DCDC1: variants seen among roughly 807,000 people sequenced by gnomAD.
The protein encoded by DCDC1 is doublecortin domain containing 1, also known as doublecortin domain-containing protein 1.
DCDC1 carries 200 observed loss-of-function variants against 178.3 expected under a neutral mutation model. The ratio of observed to expected loss-of-function variants is 1.12; its 90% CI spans 1.00 to 1.26. DCDC1 has a LOEUF of 1.26. Among genes scored for constraint, DCDC1 ranks in the 50% most tolerant of loss-of-function variants. The pLI, the probability that DCDC1 is intolerant of heterozygous loss-of-function variation, is 0.00. For missense variants in DCDC1, 1,983 were observed against 1,749.2 expected (o/e 1.13, Z -2.38); for synonymous variants, 690 against 604.8 (o/e 1.14, Z -2.07).
rs778477198 is a variant in DCDC1 at position 30,894,262 on chromosome 11, T to C, written c.4888A>G (p.Ile1630Val). Residue 1630 changes from isoleucine to valine, a missense_variant, in exon 35 of 39, where the codon ATA becomes GTA. Physicochemically the swap from Ile to Val is conservative, Grantham distance 29 (BLOSUM62 3). Coordinates refer to ENST00000684477, the MANE Select transcript of DCDC1 (RefSeq NM_001387274.1). ...TQQEIKLMEL[I>V]RHTEAHLSEI... ...AAAGAACATACCTCTGTATGTCTTA[T>C]AAGTTCCATGAGTTTAATTTCCTGT... is the stretch of plus-strand genomic sequence containing the variant. The C allele has an allele frequency of 6.2e-7, 1 of 1,613,830 alleles. No individual in the cohort carries two copies. The highest frequency in any genetic ancestry group is 1.7e-5 in the Admixed American group (1 of 59,996).
intron 10 of DCDC1, 112 bp downstream of exon 10, chr11:31,137,580 C>A: frequency 1.7e-6 from 1 of 575,246 alleles, no homozygotes; most frequent in Non-Finnish European, 3.1e-6. Flanking sequence ...AAACTCCTGA[C>A]CTTGTGATCT....
intron 6 of DCDC1, 63 bp from the exon 7 acceptor site, chr11:31,290,915 T>A (rs1354434300): frequency 1.4e-6 from 2 of 1,437,154 alleles, no homozygotes; most frequent in Admixed American, 1.9e-5. Flanking sequence ...GGACACATCA[T>A]ACTTCCCTCC....
intron 9 of DCDC1, among the ~76,000 whole-genome samples, chr11:31,143,093 A>G (rs1463439266): frequency 1.3e-5 from 2 of 152,182 alleles, no homozygotes; most frequent in Non-Finnish European, 2.9e-5. Context: ...TTAAAAAACA[A>G]TAGGAAGTGA....
chr11:31,241,030 C>T (rs1463559050), intron 9 of DCDC1, among the ~76,000 whole-genome samples: 1 of 152,022 alleles, frequency 6.6e-6, no homozygotes, highest in Non-Finnish European at 1.5e-5. Flanking sequence ...AGTTGATTCA[C>T]GATTTCATTT....
At chr11:31,016,367 T>TA (rs1238916126) in intron 20 of DCDC1, among the ~76,000 whole-genome samples, 19 of 152,218 alleles carry the variant, frequency 1.2e-4, no homozygotes, top group Non-Finnish European at 2.8e-4. Flanking sequence ...ATGTTTGTGC[T>TA]AAAATATCCT....
intron 20 of DCDC1, among the ~76,000 whole-genome samples, chr11:31,020,047 G>C (rs1181617757): frequency 6.6e-6 from 1 of 152,132 alleles, no homozygotes; most frequent in Non-Finnish European, 1.5e-5. Flanking sequence ...CATGTAAATT[G>C]TTTAGTCTCC....
intron 9 of DCDC1, among the ~76,000 whole-genome samples, chr11:31,139,495 C>T (rs1001462764): frequency 3.9e-5 from 6 of 152,132 alleles, no homozygotes; most frequent in East Asian, 3.9e-4. Flanking sequence ...CGAGAGGAAA[C>T]GGGTGTAGAA....
chr11:31,250,385 T>TACACACACACACACACAC (rs10640581), intron 8 of DCDC1, among the ~76,000 whole-genome samples: 49 of 92,662 alleles, frequency 5.3e-4, no homozygotes, highest in Middle Eastern at 0.013. Flanking sequence ...AGTGAATGAA[T>TACACACACACACACACAC]ACACACACAC....
chr11:31,124,723 C>G (rs1961346167), intron 11 of DCDC1, among the ~76,000 whole-genome samples: 1 of 152,106 alleles, frequency 6.6e-6, no homozygotes, highest in South Asian at 2.1e-4. Flanking sequence ...CAACAACTGG[C>G]TAACCATAGG....
intron 15 of DCDC1, among the ~76,000 whole-genome samples, chr11:31,100,146 G>T (rs1958414052): frequency 6.6e-6 from 1 of 152,046 alleles, no homozygotes; most frequent in Non-Finnish European, 1.5e-5. Context: ...GGTCCACATG[G>T]GCATAACAAC....
At chr11:31,272,986 C>A (rs1458284416) in intron 7 of DCDC1, among the ~76,000 whole-genome samples, 3 of 152,190 alleles carry the variant, frequency 2.0e-5, no homozygotes, top group Admixed American at 6.5e-5. Flanking sequence ...TCTACATTGG[C>A]CCCTTTCAGC....
At chr11:31,165,906 G>C (rs1178193297) in intron 9 of DCDC1, among the ~76,000 whole-genome samples, 1 of 152,048 alleles carries the variant, frequency 6.6e-6, no homozygotes, top group Non-Finnish European at 1.5e-5. Flanking sequence ...ATAAAATTCA[G>C]GGAATTTCCA....
intron 9 of DCDC1, among the ~76,000 whole-genome samples, chr11:31,212,170 T>C (rs1475646806): frequency 1.3e-5 from 2 of 151,654 alleles, no homozygotes; most frequent in African/African-American, 4.8e-5. Context: ...TTTATAGTAG[T>C]AATATAAATT....
rs538316010 is a variant in DCDC1, at chr11:30,943,877, G to T, written c.2715+8568C>A. The T allele has an allele frequency of 1.2e-3, 331 of 281,274 alleles. 2 individuals carry two copies. The highest frequency in any genetic ancestry group is 5.9e-3 in the South Asian group (166 of 27,994). 17.4% of individuals were successfully genotyped at this position (281,274 alleles called of 1,614,324 possible). On this transcript the variant is annotated intron_variant, in intron 21 of 38. Transcript: ENST00000684477. ...TCAAAGCAGCTGTCACCACTGAGAG[G>T]TACATAGTTTTTAGTATTAATGCAG...
At chr11:31,064,738 T>C in intron 19 of DCDC1, 112 bp from the exon 20 acceptor site, 1 of 647,580 alleles carries the variant, frequency 1.5e-6, no homozygotes. Context: ...TCAGTGTTTC[T>C]ACAACACATA....
intron 8 of DCDC1, among the ~76,000 whole-genome samples, chr11:31,243,000 G>T (rs2136910970): frequency 6.6e-6 from 1 of 151,912 alleles, no homozygotes; most frequent in Admixed American, 6.6e-5. Context: ...TCTTAGATGT[G>T]TGCATAAAAT....
intron 9 of DCDC1, among the ~76,000 whole-genome samples, chr11:31,142,792 C>T (rs1166246837): frequency 6.6e-6 from 1 of 151,968 alleles, no homozygotes; most frequent in Non-Finnish European, 1.5e-5. Context: ...AGCACAAGAT[C>T]GGGTTTCCAG....
chr11:31,221,315 T>C (rs1002272031), intron 9 of DCDC1, among the ~76,000 whole-genome samples: 3 of 152,200 alleles, frequency 2.0e-5, no homozygotes, highest in Non-Finnish European at 2.9e-5. Context: ...ACAAGTTATA[T>C]GCTTCCAAAA....
intron 20 of DCDC1, among the ~76,000 whole-genome samples, chr11:30,959,845 G>C (rs1010533863): frequency 1.3e-5 from 2 of 152,142 alleles, no homozygotes; most frequent in Non-Finnish European, 2.9e-5. Flanking sequence ...CGTGTCCCAA[G>C]TGAGTTTACT....
Sources: allele counts gnomAD v4.1 joint callset (sites outside exome capture counted in the v4.1 genomes callset), GRCh38; gene constraint gnomAD v4.1.1; transcripts MANE v1.5; gene names NCBI Gene and HGNC (gene_info 2026-07-23, HGNC 2026-07-21).